Variants in TRPC5 observed in about 807,000 individuals in gnomAD.
The protein encoded by TRPC5 is transient receptor potential cation channel subfamily C member 5.
TRPC5 carries 9 observed loss-of-function variants against 56.5 expected under a neutral mutation model. That is an observed-to-expected ratio of 0.16 (90% CI 0.10 to 0.28). The LOEUF is 0.28. Among genes scored for constraint, TRPC5 ranks in the 10% least tolerant of loss-of-function variants. TRPC5 has a pLI of 1.00. For missense variants in TRPC5, 469 were observed against 748.9 expected (o/e 0.63, Z 4.36); for synonymous variants, 282 against 278.5 (o/e 1.01, Z -0.13).
chrX:111,831,882 AC>A (rs771037141), intron 7 of TRPC5, among the ~76,000 whole-genome samples: 3 of 111,181 alleles, frequency 2.7e-5, no homozygotes, highest in East Asian at 5.7e-4. Context: ...TATCTCTTCC[AC>A]CTAATATTTT....
chrX:111,782,244 G>C, intron 7 of TRPC5, 106 bp from the exon 8 acceptor site: 1 of 635,944 alleles, frequency 1.6e-6, no homozygotes, highest in Non-Finnish European at 2.3e-6. Flanking sequence ...AATATGTCAA[G>C]AGCTATATAA....
chrX:111,840,639 C>T (rs1922705016), intron 6 of TRPC5, among the ~76,000 whole-genome samples: 1 of 111,685 alleles, frequency 9.0e-6, no homozygotes, highest in Non-Finnish European at 1.9e-5. Flanking sequence ...AGATGAGATA[C>T]TGAGGCACAG....
chrX:111,817,002 C>T (rs1045613083), intron 7 of TRPC5, among the ~76,000 whole-genome samples: 1 of 112,086 alleles, frequency 8.9e-6, no homozygotes, highest in African/African-American at 3.2e-5. Flanking sequence ...TGTGATATCT[C>T]AGGTGGTACT....
At chrX:111,875,321 G>A (rs1923888715) in intron 3 of TRPC5, among the ~76,000 whole-genome samples, 1 of 111,494 alleles carries the variant, frequency 9.0e-6, no homozygotes, top group Admixed American at 9.6e-5. Flanking sequence ...TATTCTTGAT[G>A]ACATTTCTAG....
chrX:111,960,815 AATT>A (rs771467298), intron 1 of TRPC5, among the ~76,000 whole-genome samples: 4 of 110,244 alleles, frequency 3.6e-5, no homozygotes, highest in East Asian at 2.8e-4. Flanking sequence ...TTAATTAATT[AATT>A]ATTATTATTA....
At chrX:112,070,080 G>A (rs1930680349) in intron 1 of TRPC5, among the ~76,000 whole-genome samples, 1 of 111,995 alleles carries the variant, frequency 8.9e-6, no homozygotes, top group Admixed American at 9.5e-5. Context: ...GTGCCATTGT[G>A]CAAACATAAT....
chrX:111,920,389 T>A (rs930138507), intron 2 of TRPC5, among the ~76,000 whole-genome samples: 1 of 111,756 alleles, frequency 8.9e-6, no homozygotes, highest in Non-Finnish European at 1.9e-5. Flanking sequence ...AGCACCCCCC[T>A]TCAATTCTAT....
intron 1 of TRPC5, among the ~76,000 whole-genome samples, chrX:112,044,115 C>A (rs761075420): frequency 1.6e-4 from 18 of 111,486 alleles, no homozygotes; most frequent in African/African-American, 5.5e-4. Flanking sequence ...GAAAATCTAC[C>A]ATTTTTGTCA....
At chrX:112,073,528 C>A (rs1930765816) in intron 1 of TRPC5, among the ~76,000 whole-genome samples, 1 of 111,484 alleles carries the variant, frequency 9.0e-6, no homozygotes. Context: ...CCTTGGCCTC[C>A]CAAAGTGGTG....
At chrX:112,064,934 C>A (rs1387827455) in intron 1 of TRPC5, among the ~76,000 whole-genome samples, 1 of 110,444 alleles carries the variant, frequency 9.1e-6, no homozygotes, top group Non-Finnish European at 1.9e-5. Flanking sequence ...ATTAGCCAGG[C>A]ATGGTGGTGG....
At chrX:111,795,571 T>TA (rs1049842366) in intron 7 of TRPC5, among the ~76,000 whole-genome samples, 57 of 110,381 alleles carry the variant, frequency 5.2e-4, no homozygotes, top group African/African-American at 1.8e-3. Context: ...GGTTTCTGAT[T>TA]AAAAAAAAAT....
At chrX:111,980,047 A>C (rs1254871729) in intron 1 of TRPC5, among the ~76,000 whole-genome samples, 1 of 111,871 alleles carries the variant, frequency 8.9e-6, no homozygotes, top group Non-Finnish European at 1.9e-5. Flanking sequence ...CTTTATTTTT[A>C]ATAGCCCCAA....
chrX:111,975,689 G>A (rs916155138), intron 1 of TRPC5, among the ~76,000 whole-genome samples: 5 of 111,420 alleles, frequency 4.5e-5, no homozygotes, highest in African/African-American at 6.5e-5. Flanking sequence ...GAGGTCAGGA[G>A]ATCGGGACCA....
intron 1 of TRPC5, among the ~76,000 whole-genome samples, chrX:111,976,238 T>C (rs111748028): frequency 0.14 from 15,019 of 110,350 alleles, 947 homozygotes; most frequent in African/African-American, 0.23. Flanking sequence ...GCTTGGGCAA[T>C]GTGGCAAAAC....
intron 1 of TRPC5, among the ~76,000 whole-genome samples, chrX:111,996,651 T>C (rs1333205873): frequency 9.0e-6 from 1 of 111,579 alleles, no homozygotes; most frequent in Non-Finnish European, 1.9e-5. Flanking sequence ...ACTTGCTTTA[T>C]GAATCTGGGT....
intron 2 of TRPC5, among the ~76,000 whole-genome samples, chrX:111,913,451 A>G (rs925369270): frequency 5.4e-5 from 6 of 110,881 alleles, no homozygotes; most frequent in South Asian, 3.9e-4. Flanking sequence ...ATGATTCGTT[A>G]GGGTCAGGAA....
At chrX:111,907,311 T>C (rs1925662837) in intron 3 of TRPC5, among the ~76,000 whole-genome samples, 1 of 110,777 alleles carries the variant, frequency 9.0e-6, no homozygotes, top group Admixed American at 9.7e-5. Context: ...ATGGAAAAGC[T>C]GAGTTAACTT....
At chrX:111,879,479 G>A (rs1052473645) in intron 3 of TRPC5, among the ~76,000 whole-genome samples, 13 of 112,175 alleles carry the variant, frequency 1.2e-4, no homozygotes, top group African/African-American at 3.6e-4. Context: ...TTTGGTCCTT[G>A]CTATTGCCCT....
chrX:111,805,398 A>C (rs777663768), intron 7 of TRPC5, among the ~76,000 whole-genome samples: 14 of 111,024 alleles, frequency 1.3e-4, no homozygotes, highest in Admixed American at 1.3e-3. Flanking sequence ...ATCTTTTTCT[A>C]TTGATTGGAC....
Sources: gnomAD v4.1 joint callset for allele counts (sites outside exome capture counted in the v4.1 genomes callset) on GRCh38, gnomAD v4.1.1 for gene constraint, MANE v1.5 for transcripts, NCBI Gene and HGNC (gene_info 2026-07-23, HGNC 2026-07-21) for gene names.